Variants in FAM149A observed in about 807,000 individuals in gnomAD.
FAM149A encodes the protein family with sequence similarity 149 member A.
FAM149A carries 71 observed loss-of-function variants against 78.2 expected under a neutral mutation model. That is an observed-to-expected ratio of 0.91 (90% CI 0.75 to 1.11). FAM149A has a LOEUF of 1.11. Among genes scored for constraint, FAM149A ranks in the 50% least tolerant of loss-of-function variants. The pLI is 0.00. For synonymous variants in FAM149A, 446 were observed against 410.5 expected, an observed-to-expected ratio of 1.09 and a Z score of -1.04; for missense variants, 1,036 against 971.0, an observed-to-expected ratio of 1.07 and a Z score of -0.89.
At chr4:186,130,289 C>CTA (rs1257437565) in intron 1 of FAM149A, 35 of 36,882 alleles carry the variant, frequency 9.5e-4, no homozygotes, top group South Asian at 5.2e-3. Flanking sequence ...CTCTCTCTCT[C>CTA]TCTCTATATA....
At chr4:186,126,062 C>G (rs1017246975) in intron 1 of FAM149A, 3 of 985,372 alleles carry the variant, frequency 3.0e-6, no homozygotes, top group Non-Finnish European at 2.4e-6. Flanking sequence ...TTCCCAGACT[C>G]CTGTGGGATC....
At chr4:186,155,118 A>T (rs1733946504) in intron 6 of FAM149A, 1 of 170,432 alleles carries the variant, frequency 5.9e-6, no homozygotes. Flanking sequence ...GCCCACCACC[A>T]CGCCCGGATA....
chr4:186,136,976 T>TTCTC lies in FAM149A; in HGVS notation c.567-12157_567-12154dup, dbSNP rs70964917. On this transcript the variant is annotated intron_variant, in intron 1 of 13. Coordinates refer to ENST00000389354, the MANE Select transcript of FAM149A (RefSeq NM_001367768.3). ...TCTCTCTCTCTCTTTCTCTCTCTCT[T>TTCTC]TCTCTCTCTCTCTCTCTCTCTCTCT... 9.2e-3 allele frequency among the ~76,000 whole-genome samples: 662 copies of TTCTC among 71,868 alleles called. 8 individuals are homozygous for TTCTC. Among genetic ancestry groups the TTCTC allele is most frequent in the Non-Finnish European group, 0.011 (426 of 39,034 alleles). 47.1% of individuals were successfully genotyped at this position (71,868 alleles called of 152,430 possible).
In FAM149A at chr4:186,105,378, C is replaced by G; in HGVS notation, c.302C>G (p.Pro101Arg). The change falls in exon 1 of 14, where the codon CCT becomes CGT. Residue 101 changes from proline (P) to arginine (R), a missense_variant. Pro to Arg is a moderately radical substitution (Grantham distance 103). Transcript: ENST00000389354. The stretch of plus-strand genomic sequence containing the variant: ...ACCCTGCTCTCTTGGCCCAGTAGCC[C>G]TAGAGCGGGTAAAGCCCCGCCCCAG... 8.4e-7 allele frequency: 1 copy of G among 1,185,664 alleles called. No homozygotes were observed. The highest frequency in any genetic ancestry group is 1.1e-6 in the Non-Finnish European group (1 of 946,204). The allele number at this position is 1,185,664 out of a possible 1,614,324, so 73.4% of individuals were successfully genotyped here.
At chr4:186,146,109 G>A (rs1310518049) in intron 1 of FAM149A, among the ~76,000 whole-genome samples, 1 of 152,134 alleles carries the variant, frequency 6.6e-6, no homozygotes, top group Non-Finnish European at 1.5e-5. Context: ...CTGGTTCCTC[G>A]AAGAAACTCT....
chr4:186,163,928 C>G (rs1176793461), intron 10 of FAM149A, among the ~76,000 whole-genome samples: 1 of 152,018 alleles, frequency 6.6e-6, no homozygotes, highest in Non-Finnish European at 1.5e-5. Flanking sequence ...TTAGCTAATG[C>G]CTTTCAATTA....
intron 3 of FAM149A, 36 bp from the exon 4 acceptor site, chr4:186,151,865 ACT>A (rs1472900896): frequency 6.2e-7 from 1 of 1,608,890 alleles, no homozygotes; most frequent in African/African-American, 1.3e-5. Flanking sequence ...CAGTTCTGTA[ACT>A]TGCAGTGTTG....
intron 1 of FAM149A, chr4:186,123,494 G>A (rs1465179165): frequency 1.9e-6 from 1 of 533,736 alleles, no homozygotes; most frequent in Non-Finnish European, 2.4e-6. Flanking sequence ...CATTTTCCAG[G>A]GTTGCATTTT....
At chr4:186,132,110 C>T in intron 1 of FAM149A, 2 of 985,392 alleles carry the variant, frequency 2.0e-6, no homozygotes, top group Non-Finnish European at 2.4e-6. Context: ...ACAGCAGAGG[C>T]TTGGTGATGC....
In FAM149A at chr4:186,149,600, C is replaced by T. The variant is rs1733310895; in HGVS notation, c.685C>T (p.His229Tyr). The change falls in exon 3 of 14, where the codon CAT (histidine) becomes TAT (tyrosine). Residue 229 changes from histidine to tyrosine, a missense_variant. This residue lies in a region of FAM149A where 716 missense variants were observed against 711.8 expected (regional missense o/e 1.01). Coordinates refer to ENST00000389354, the MANE Select transcript of FAM149A (RefSeq NM_001367768.3). ...GTCATCCTTTTCCTCCAGCGGAAGCCATACACCCACGGGAGCCCACACCTC... is the reference window on the plus strand; with the variant it reads ...GTCATCCTTTTCCTCCAGCGGAAGCTATACACCCACGGGAGCCCACACCTC... 1.6e-6 allele frequency: 2 copies of T among 1,289,920 alleles called. No homozygotes were observed. The highest frequency in any genetic ancestry group is 2.3e-5 in the Admixed American group (1 of 43,568). 79.9% of individuals were successfully genotyped at this position (1,289,920 alleles called of 1,614,324 possible).
chr4:186,164,550 G>A lies in FAM149A; in HGVS notation c.1890-794G>A, dbSNP rs553763922. ...TTGGTGACTGTTTCTTTCACAGTTT[G>A]GGACTGATGTTTCCAGCTGTGTTGG... On this transcript the variant is annotated intron_variant, in intron 10 of 13. Coordinates refer to ENST00000389354, the MANE Select transcript of FAM149A (RefSeq NM_001367768.3). This position sits in a 1 kb window ranked among gnomAD's most constrained non-coding sequence, Gnocchi z 4.0. 1 of 909,680 alleles carries A rather than the reference G, an allele frequency of 1.1e-6. No homozygotes were observed. Among genetic ancestry groups the A allele is most frequent in the Non-Finnish European group, 1.3e-6 (1 of 760,684 alleles). 56.4% of individuals were successfully genotyped at this position (909,680 alleles called of 1,614,324 possible).
At chr4:186,127,238 G>A (rs79535758) in intron 1 of FAM149A, 14,064 of 961,418 alleles carry the variant, frequency 0.015, 114 homozygotes, top group Non-Finnish European at 0.016. Flanking sequence ...TTTTCACCCT[G>A]CATGCCCACA....
At chr4:186,135,218 C>G (rs2099322218) in intron 1 of FAM149A, among the ~76,000 whole-genome samples, 1 of 152,138 alleles carries the variant, frequency 6.6e-6, no homozygotes, top group Non-Finnish European at 1.5e-5. Context: ...CGGGCACCAC[C>G]CCTTTGCCTC....
chr4:186,160,707 A>G, intron 8 of FAM149A: 1 of 764,296 alleles, frequency 1.3e-6, no homozygotes, highest in Non-Finnish European at 1.6e-6. Context: ...ACACACTACC[A>G]CACACCACAC....
At chr4:186,147,338 C>T (rs1733132956) in intron 1 of FAM149A, among the ~76,000 whole-genome samples, 1 of 152,158 alleles carries the variant, frequency 6.6e-6, no homozygotes, top group Admixed American at 6.5e-5. Context: ...GAGCTGTGAT[C>T]CTGCCACTGC....
At chr4:186,111,535 C>T (rs1262158130) in intron 1 of FAM149A, among the ~76,000 whole-genome samples, 1 of 151,952 alleles carries the variant, frequency 6.6e-6, no homozygotes, top group African/African-American at 2.4e-5. Context: ...TTAGGTCTAA[C>T]GTTTAAGTCT....
chr4:186,109,731 A>G (rs746493650), intron 1 of FAM149A: 7 of 978,876 alleles, frequency 7.2e-6, no homozygotes, highest in Non-Finnish European at 8.5e-6. Context: ...GCCATGTTTT[A>G]TTGAAAGAAA....
rs1361657797 is a variant in FAM149A at position 186,150,544 on chromosome 4, C to T, written c.789+840C>T. ...ACGCCATTCTCCTGCCTCAGCCTCC[C>T]GAGTAGCTGGGACCACAGGCGCCCA... On this transcript the variant is annotated intron_variant, in intron 3 of 13. Coordinates refer to ENST00000389354, the MANE Select transcript of FAM149A (RefSeq NM_001367768.3). Among the ~76,000 whole-genome samples the T allele has an allele frequency of 9.8e-5, 13 of 133,298 alleles. 1 individual carries two copies. Among genetic ancestry groups the T allele is most frequent in the South Asian group, 2.8e-4 (1 of 3,636 alleles). The allele number at this position is 133,298 out of a possible 152,430, so 87.4% of individuals were successfully genotyped here. A position where few individuals can be genotyped will look rare whatever the true frequency, so the allele number is the denominator to read the frequency against.
chr4:186,152,824 A>C (rs1010450716), intron 4 of FAM149A, among the ~76,000 whole-genome samples: 1 of 152,222 alleles, frequency 6.6e-6, no homozygotes, highest in East Asian at 1.9e-4. Context: ...GATTACAGGC[A>C]TGAGCCACCG....
Sources: allele counts gnomAD v4.1 joint callset (sites outside exome capture counted in the v4.1 genomes callset), GRCh38; gene constraint gnomAD v4.1.1; regional missense constraint gnomAD v4.1.1; non-coding constraint Gnocchi (gnomAD v3.1); transcripts MANE v1.5; gene names NCBI Gene and HGNC (gene_info 2026-07-23, HGNC 2026-07-21).